LONP2: variants seen among roughly 807,000 people sequenced by gnomAD.
The protein encoded by LONP2 is lon protease homolog 2, peroxisomal.
LONP2 carries 60 observed loss-of-function variants against 85.6 expected under a neutral mutation model. That is an observed-to-expected ratio of 0.70 (90% CI 0.57 to 0.87). The LOEUF (loss-of-function observed/expected upper bound fraction) is 0.87. LONP2 is among the 40% of genes least tolerant of loss of function. The pLI is 0.00. For missense variants in LONP2, 860 were observed against 1,063.5 expected (o/e 0.81, Z 2.66); for synonymous variants, 395 against 389.7 (o/e 1.01, Z -0.16).
chr16:48,258,573 T>C, intron 3 of LONP2, 45 bp from the exon 4 acceptor site: 2 of 1,546,330 alleles, frequency 1.3e-6, no homozygotes, highest in Non-Finnish European at 1.7e-6. Context: ...TTTTGGATTG[T>C]GTGTTTCTGA....
intron 3 of LONP2, among the ~76,000 whole-genome samples, chr16:48,257,091 C>T (rs1056849360): frequency 2.6e-5 from 4 of 152,094 alleles, no homozygotes; most frequent in African/African-American, 7.2e-5. Flanking sequence ...ATGGGTGGAT[C>T]GCTTGAGATC....
At chr16:48,255,237 T>G (rs1359868785) in intron 2 of LONP2, among the ~76,000 whole-genome samples, 1 of 152,144 alleles carries the variant, frequency 6.6e-6, no homozygotes, top group African/African-American at 2.4e-5. Flanking sequence ...TTAAAGTCAC[T>G]CGGACCCAGG....
intron 6 of LONP2, among the ~76,000 whole-genome samples, chr16:48,264,104 A>G (rs548263547): frequency 9.5e-4 from 145 of 152,326 alleles, no homozygotes; most frequent in Non-Finnish European, 1.0e-3. Flanking sequence ...ACAGGACCAC[A>G]GCTCCGAGGC....
chr16:48,350,015 G>A (rs552313560), intron 14 of LONP2, among the ~76,000 whole-genome samples: 3 of 152,322 alleles, frequency 2.0e-5, no homozygotes, highest in East Asian at 1.9e-4. Flanking sequence ...CACTTTGGGA[G>A]GCTAAACAGG....
At position 48,351,741 on chromosome 16, in the gene LONP2, C is replaced by A. The variant is rs1960158879; in HGVS notation, c.2498C>A (p.Ala833Glu). The A allele has an allele frequency of 3.1e-6, 5 of 1,614,164 alleles. No homozygotes were observed. Among genetic ancestry groups the A allele is most frequent in the Non-Finnish European group, 4.2e-6 (5 of 1,180,032 alleles). ...TASCLDEVLN[A>E]AFDGGFTVKT... ...AGCTGCCTGGATGAGGTTCTTAATG[C>A]AGCTTTTGATGGTGGCTTTACTGTC... Residue 833 changes from alanine to glutamate, a missense_variant, in exon 15 of 15, where the codon GCA becomes GAA. Ala to Glu is a moderately radical substitution (Grantham distance 107, BLOSUM62 -1). This residue lies in a region of LONP2 where 115 missense variants were observed against 129.0 expected (regional missense o/e 0.89). Coordinates refer to ENST00000285737, the MANE Select transcript of LONP2 (RefSeq NM_031490.5).
intron 6 of LONP2, among the ~76,000 whole-genome samples, chr16:48,266,407 G>A (rs1339632050): frequency 2.0e-5 from 3 of 151,592 alleles, no homozygotes; most frequent in African/African-American, 7.3e-5. Flanking sequence ...ATTTTGATGA[G>A]TTTTGACTTA....
chr16:48,287,063 G>A (rs568063154), intron 8 of LONP2, among the ~76,000 whole-genome samples: 1 of 152,294 alleles, frequency 6.6e-6, no homozygotes, highest in South Asian at 2.1e-4. Context: ...TTTGTTTAGT[G>A]GTCAGCTAGT....
chr16:48,337,730 A>G (rs967648324), intron 12 of LONP2, among the ~76,000 whole-genome samples: 2 of 152,234 alleles, frequency 1.3e-5, no homozygotes, highest in Non-Finnish European at 2.9e-5. Context: ...TTTCCTAGGC[A>G]AAGAATCTGA....
chr16:48,301,957 G>T (rs1317840462), intron 10 of LONP2, among the ~76,000 whole-genome samples: 1 of 152,148 alleles, frequency 6.6e-6, no homozygotes, highest in Non-Finnish European at 1.5e-5. Context: ...AAAGAATCCT[G>T]TATATCAATG....
intron 2 of LONP2, among the ~76,000 whole-genome samples, chr16:48,254,350 C>T (rs1020234132): frequency 1.3e-5 from 2 of 151,410 alleles, no homozygotes; most frequent in Admixed American, 6.6e-5. Flanking sequence ...GCTGGGAGTG[C>T]TCTTCCATCT....
intron 12 of LONP2, among the ~76,000 whole-genome samples, chr16:48,341,040 ACCTG>A (rs1271967426): frequency 6.6e-6 from 1 of 151,016 alleles, no homozygotes; most frequent in Admixed American, 6.6e-5. Context: ...ATTGGCTCAC[ACCTG>A]TAATCCCAGC....
chr16:48,267,519 C>G (rs191788750), intron 6 of LONP2, among the ~76,000 whole-genome samples: 1 of 152,092 alleles, frequency 6.6e-6, no homozygotes, highest in Non-Finnish European at 1.5e-5. Context: ...AGGCTGGTCT[C>G]GAACTTCTGG....
At chr16:48,338,354 AAAAC>A (rs1959713757) in intron 12 of LONP2, among the ~76,000 whole-genome samples, 1 of 152,228 alleles carries the variant, frequency 6.6e-6, no homozygotes. Flanking sequence ...TGCTATAGAG[AAAAC>A]AAACAGGGTG....
chr16:48,272,319 C>T (rs74016372), intron 7 of LONP2, among the ~76,000 whole-genome samples: 2,208 of 152,180 alleles, frequency 0.015, 51 homozygotes, highest in African/African-American at 0.05. Context: ...TTAATTTATA[C>T]GGCAGAATTA....
chr16:48,277,133 A>T (rs1972224462), intron 7 of LONP2, among the ~76,000 whole-genome samples: 1 of 152,262 alleles, frequency 6.6e-6, no homozygotes. Flanking sequence ...GGCAACTTGT[A>T]GCCAGAATTA....
chr16:48,298,509 A>G (rs1972723508), intron 9 of LONP2, among the ~76,000 whole-genome samples: 1 of 151,770 alleles, frequency 6.6e-6, no homozygotes, highest in Non-Finnish European at 1.5e-5. Flanking sequence ...GGAGGAAAAA[A>G]CCTTTTATAT....
intron 2 of LONP2, among the ~76,000 whole-genome samples, chr16:48,252,992 ATTAG>A (rs1487025466): frequency 6.6e-6 from 1 of 152,162 alleles, no homozygotes; most frequent in African/African-American, 2.4e-5. Context: ...CTACTTTTCT[ATTAG>A]TTTAATCCAG....
chr16:48,318,978 C>CT (rs775333727), intron 11 of LONP2, among the ~76,000 whole-genome samples: 8,682 of 145,110 alleles, frequency 0.06, 279 homozygotes, highest in Middle Eastern at 0.16. Context: ...ATCCTTTCAG[C>CT]TTTTTTTTTT....
intron 14 of LONP2, among the ~76,000 whole-genome samples, chr16:48,349,609 A>G (rs1168855819): frequency 6.6e-6 from 1 of 152,242 alleles, no homozygotes; most frequent in Middle Eastern, 3.2e-3. Flanking sequence ...GGAAAGCAGC[A>G]GCACTTGAAA....
Sources: allele counts gnomAD v4.1 joint callset (sites outside exome capture counted in the v4.1 genomes callset), GRCh38; gene constraint gnomAD v4.1.1; regional missense constraint gnomAD v4.1.1; transcripts MANE v1.5; gene names NCBI Gene and HGNC (gene_info 2026-07-23, HGNC 2026-07-21).